RMC1: variants seen among roughly 807,000 people sequenced by gnomAD.
The protein encoded by RMC1 is regulator of MON1-CCZ1, also known as regulator of MON1-CCZ1 complex.
A neutral mutation model predicts 95.5 loss-of-function variants in RMC1; 44 were observed. That is an observed-to-expected ratio of 0.46 (90% CI 0.36 to 0.59). The LOEUF is 0.59. Ranked by LOEUF, RMC1 falls within the 20% of genes least tolerant of loss-of-function variation. The probability of loss-of-function intolerance (pLI) is 0.00; values close to 1 mark genes in which losing one functional copy is unlikely to be tolerated. For synonymous variants in RMC1, 320 were observed against 303.6 expected, an observed-to-expected ratio of 1.05 and a Z score of -0.56; for missense variants, 705 against 819.6, an observed-to-expected ratio of 0.86 and a Z score of 1.71.
At position 23,525,645 on chromosome 18, in the gene RMC1, G is replaced by C. The variant is rs565799137; in HGVS notation, c.1061-992G>C. On this transcript the variant is annotated intron_variant, in intron 12 of 19. Transcript: ENST00000269221. ...TCACCATGTTGGCCAGGATGGTCTC[G>C]ATCTCCTGACCTCGTGATCTGCCCA... Among the ~76,000 whole-genome samples the C allele has an allele frequency of 3.0e-4, 46 of 151,984 alleles. 1 individual carries two copies. The highest frequency in any genetic ancestry group is 6.8e-3 in the Middle Eastern group (2 of 294).
rs2057665788 is a variant in RMC1, at chr18:23,504,510, A to G, written c.179+63A>G. The stretch of plus-strand genomic sequence containing the variant: ...AAACAGAATGATGTTTTTCTAATTC[A>G]AATGGTTTTTTATAATTTTGTCATT... On this transcript the variant is annotated intron_variant, in intron 2 of 19. Transcript: ENST00000269221. 1.8e-5 allele frequency: 27 copies of G among 1,461,836 alleles called. No individual in the cohort carries two copies. In the South Asian group the frequency reaches 3.0e-4, roughly 16 times the overall value. The allele number at this position is 1,461,836 out of a possible 1,614,324, so 90.6% of individuals were successfully genotyped here.
At chr18:23,515,732 C>T in intron 5 of RMC1, 124 bp from the exon 6 acceptor site, 4 of 1,085,640 alleles carry the variant, frequency 3.7e-6, no homozygotes, top group Non-Finnish European at 5.3e-6. Flanking sequence ...GGGGTTTTAC[C>T]ATTTTGTCCA....
At chr18:23,511,577 T>A (rs1350788342) in intron 5 of RMC1, among the ~76,000 whole-genome samples, 2 of 152,166 alleles carry the variant, frequency 1.3e-5, no homozygotes, top group African/African-American at 4.8e-5. Flanking sequence ...TGGTGCATAT[T>A]CCTCTATTTT....
intron 5 of RMC1, 74 bp downstream of exon 5, chr18:23,509,353 C>T: frequency 1.9e-6 from 1 of 520,266 alleles, no homozygotes; most frequent in Non-Finnish European, 3.1e-6. Context: ...GAATTCAGTA[C>T]TGAATATATA....
intron 7 of RMC1, 102 bp from the exon 8 acceptor site, chr18:23,518,788 C>T: frequency 9.8e-7 from 1 of 1,016,864 alleles, no homozygotes; most frequent in South Asian, 1.4e-5. Flanking sequence ...CAAAATACTC[C>T]ATTAAGTGAA....
intron 19 of RMC1, among the ~76,000 whole-genome samples, chr18:23,531,018 A>G (rs552374798): frequency 6.6e-6 from 1 of 152,004 alleles, no homozygotes; most frequent in East Asian, 1.9e-4. Context: ...TTTTTGAGAC[A>G]GAGTCTCGCT....
At chr18:23,504,561 C>T in intron 2 of RMC1, 114 bp downstream of exon 2, 1 of 872,362 alleles carries the variant, frequency 1.1e-6, no homozygotes, top group Non-Finnish European at 1.9e-6. Flanking sequence ...GGCCTGAAGT[C>T]TGTGTGCGCA....
intron 4 of RMC1, 70 bp from the exon 5 acceptor site, chr18:23,509,123 G>A (rs901232558): frequency 3.9e-6 from 2 of 514,384 alleles, no homozygotes. Context: ...CAGAGTTTGT[G>A]AAGCTTTTGA....
chr18:23,503,830 C>T, intron 1 of RMC1, 110 bp downstream of exon 1: 1 of 925,002 alleles, frequency 1.1e-6, no homozygotes, highest in South Asian at 2.4e-5. Context: ...CCTGTCCCGT[C>T]CCGTCCCAGC....
intron 12 of RMC1, 131 bp from the exon 13 acceptor site, chr18:23,526,506 C>A: frequency 9.3e-7 from 1 of 1,078,214 alleles, no homozygotes; most frequent in African/African-American, 1.6e-5. Context: ...GAAGGAAAAG[C>A]TACACTGACT....
intron 2 of RMC1, chr18:23,504,808 C>G (rs367971773): frequency 1.3e-4 from 24 of 189,696 alleles, no homozygotes; most frequent in African/African-American, 5.6e-4. Context: ...GGAGGAGATT[C>G]ATTGTTTCTC....
rs139098244 is a variant in RMC1 at position 23,518,645 on chromosome 18, C to T, written c.654-245C>T. On this transcript the variant is annotated intron_variant, in intron 7 of 19. Coordinates refer to ENST00000269221, the MANE Select transcript of RMC1 (RefSeq NM_013326.5). Reference sequence around the variant, plus strand: ...TGTGTTTCTTTCCAATCATTTTAGACTCTATGCTTAGGTTTGGGGTTTTCT... The same window carrying T: ...TGTGTTTCTTTCCAATCATTTTAGATTCTATGCTTAGGTTTGGGGTTTTCT... Among the ~76,000 whole-genome samples the T allele has an allele frequency of 2.5e-3, 374 of 152,302 alleles. 3 individuals are homozygous for T. Among genetic ancestry groups the T allele is most frequent in the South Asian group, 0.015 (74 of 4,824 alleles).
rs1001269257 is a variant in RMC1 at position 23,524,600 on chromosome 18, G to A, written c.1060+118G>A. 66 of 1,002,984 alleles carry A rather than the reference G, an allele frequency of 6.6e-5. No individual in the cohort carries two copies. In the South Asian group the frequency reaches 7.2e-4, roughly 11 times the overall value. The allele number at this position is 1,002,984 out of a possible 1,614,324, so 62.1% of individuals were successfully genotyped here. Reference sequence around the variant, plus strand: ...TTAGAAATGACCCCTCCTTTCAAGCGTGGGAATGGGATTTTTTTTTTTCAC... The same window carrying A: ...TTAGAAATGACCCCTCCTTTCAAGCATGGGAATGGGATTTTTTTTTTTCAC... On this transcript the variant is annotated intron_variant, in intron 12 of 19. Transcript: ENST00000269221.
Position 23,515,935 on chromosome 18 carries a change from G to T in RMC1, c.488G>T (p.Ser163Ile). The change falls in exon 6 of 20, where the codon AGC (serine) becomes ATC (isoleucine). Residue 163 changes from serine (S) to isoleucine (I), a missense_variant. Transcript: ENST00000269221. ...NVNWYMYCPE[S>I]AVILLSTTVL... ...AATTGGTACATGTACTGCCCCGAGAGCGCCGTGATCTTGCTGTCTACCACG... is the reference window on the plus strand; with the variant it reads ...AATTGGTACATGTACTGCCCCGAGATCGCCGTGATCTTGCTGTCTACCACG... 1 of 1,614,166 alleles carries T rather than the reference G, an allele frequency of 6.2e-7. No homozygotes were observed. The highest frequency in any genetic ancestry group is 8.5e-7 in the Non-Finnish European group (1 of 1,180,030).
At chr18:23,530,731 C>A in intron 19 of RMC1, 119 bp downstream of exon 19, 1 of 863,790 alleles carries the variant, frequency 1.2e-6, no homozygotes, top group Non-Finnish European at 1.8e-6. Flanking sequence ...AATTTGATAA[C>A]AGCCCACCTA....
intron 19 of RMC1, 30 bp from the exon 20 acceptor site, chr18:23,531,595 T>TA (rs1687909844): frequency 1.2e-6 from 2 of 1,606,238 alleles, no homozygotes; most frequent in African/African-American, 1.3e-5. Flanking sequence ...ATGCCACATC[T>TA]AACTGGCAAT....
chr18:23,517,284 G>A (rs1006221684), intron 7 of RMC1, among the ~76,000 whole-genome samples: 3 of 151,810 alleles, frequency 2.0e-5, no homozygotes, highest in Non-Finnish European at 4.4e-5. Flanking sequence ...CGAGTAGCTG[G>A]GACTACAGGT....
At chr18:23,523,342 T>C (rs549562257) in intron 10 of RMC1, among the ~76,000 whole-genome samples, 1 of 152,042 alleles carries the variant, frequency 6.6e-6, no homozygotes, top group East Asian at 1.9e-4. Flanking sequence ...ATGTGAGGTT[T>C]TGGGGGTCTG....
At chr18:23,529,997 G>T (rs752272171) in intron 16 of RMC1, 31 bp from the exon 17 acceptor site, 4 of 1,563,352 alleles carry the variant, frequency 2.6e-6, no homozygotes, top group Non-Finnish European at 3.5e-6. Context: ...TGATTTGGAA[G>T]TGTTCTTTCA....
Sources: allele counts gnomAD v4.1 joint callset (sites outside exome capture counted in the v4.1 genomes callset), GRCh38; gene constraint gnomAD v4.1.1; transcripts MANE v1.5; gene names NCBI Gene and HGNC (gene_info 2026-07-23, HGNC 2026-07-21).